The following FBXW7 variants were observed in gnomAD, a reference collection of about 807,000 sequenced individuals.
FBXW7 encodes F-box and WD repeat domain containing 7, also known as F-box/WD repeat-containing protein 7.
FBXW7 carries 11 observed loss-of-function variants against 86.3 expected under a neutral mutation model. The observed-to-expected ratio is 0.13, with a 90% CI of 0.08 to 0.21. The LOEUF (loss-of-function observed/expected upper bound fraction) is 0.21. Among genes scored for constraint, FBXW7 ranks in the 10% least tolerant of loss-of-function variants. The pLI, the probability that FBXW7 is intolerant of heterozygous loss-of-function variation, is 1.00. For synonymous variants in FBXW7, 313 were observed against 297.9 expected (o/e 1.05, Z -0.52); for missense variants, 488 against 847.4 (o/e 0.58, Z 5.27).
At chr4:152,467,461 G>A (rs1443416902) in intron 2 of FBXW7, among the ~76,000 whole-genome samples, 1 of 152,062 alleles carries the variant, frequency 6.6e-6, no homozygotes, top group African/African-American at 2.4e-5. Context: ...CGTGAGAACG[G>A]ACTAATAACA....
intron 2 of FBXW7, among the ~76,000 whole-genome samples, chr4:152,465,843 C>CAAAAAAA (rs33966110): frequency 8.5e-6 from 1 of 117,256 alleles, no homozygotes. Flanking sequence ...GACTCTTTCT[C>CAAAAAAA]AAAAAAAAAA....
intron 2 of FBXW7, among the ~76,000 whole-genome samples, chr4:152,450,973 A>C (rs1352438571): frequency 6.6e-6 from 1 of 152,204 alleles, no homozygotes; most frequent in Non-Finnish European, 1.5e-5. Flanking sequence ...TTAGAGTATA[A>C]GCAATATGAC....
chr4:152,443,591 C>T (rs1173354342), intron 2 of FBXW7, among the ~76,000 whole-genome samples: 1 of 152,100 alleles, frequency 6.6e-6, no homozygotes. Context: ...CTTTTAAGAA[C>T]CCAATTCTTT....
At chr4:152,442,603 G>A (rs565503973) in intron 2 of FBXW7, among the ~76,000 whole-genome samples, 3 of 152,318 alleles carry the variant, frequency 2.0e-5, no homozygotes, top group South Asian at 2.1e-4. Context: ...GCAGGCGATC[G>A]TTAAATGCCA....
At chr4:152,521,301 T>C (rs1748989195) in intron 2 of FBXW7, among the ~76,000 whole-genome samples, 1 of 151,866 alleles carries the variant, frequency 6.6e-6, no homozygotes, top group Non-Finnish European at 1.5e-5. Context: ...TCCTAGGAGA[T>C]CAATATTTAA....
intron 2 of FBXW7, among the ~76,000 whole-genome samples, chr4:152,524,952 A>C (rs1306584123): frequency 1.3e-5 from 2 of 152,178 alleles, no homozygotes; most frequent in Admixed American, 6.5e-5. Flanking sequence ...GCAAAAGAAA[A>C]CTTACAACCC....
At chr4:152,442,270 T>G (rs1740962793) in intron 2 of FBXW7, among the ~76,000 whole-genome samples, 1 of 152,190 alleles carries the variant, frequency 6.6e-6, no homozygotes, top group Non-Finnish European at 1.5e-5. Flanking sequence ...CAAACTTCAG[T>G]AGAATTACAG....
chr4:152,328,032 A>G (rs1729212961), intron 11 of FBXW7, among the ~76,000 whole-genome samples, 176 bp downstream of exon 11: 1 of 151,970 alleles, frequency 6.6e-6, no homozygotes, highest in Non-Finnish European at 1.5e-5. Flanking sequence ...TTTACAGACA[A>G]TCACCAATTT....
chr4:152,534,969 A>G lies in FBXW7; in HGVS notation c.-148T>C, dbSNP rs1235249009. The G allele has an allele frequency of 6.6e-6, 1 of 152,096 alleles. No homozygotes were observed. Among genetic ancestry groups the G allele is most frequent in the Non-Finnish European group, 1.5e-5 (1 of 68,028 alleles). The allele number at this position is 152,096 out of a possible 1,614,324, so 9.4% of individuals were successfully genotyped here. A position where few individuals can be genotyped will look rare whatever the true frequency, so the allele number is the denominator to read the frequency against. On this transcript the variant is annotated 5_prime_UTR_variant, in exon 2 of 14. Transcript: ENST00000281708. ...TTTAGAAAAGAGCCGCGGCGCCGAG[A>G]AAGTGGGTTGGTTCCCTTCCTCCTT...
chr4:152,474,857 G>A (rs1744255509), intron 2 of FBXW7, among the ~76,000 whole-genome samples: 1 of 152,002 alleles, frequency 6.6e-6, no homozygotes, highest in Non-Finnish European at 1.5e-5. Flanking sequence ...GTAGAGACGG[G>A]GTTTCACCAT....
At chr4:152,352,213 C>T (rs1731886381) in intron 4 of FBXW7, among the ~76,000 whole-genome samples, 1 of 152,138 alleles carries the variant, frequency 6.6e-6, no homozygotes, top group Admixed American at 6.6e-5. Context: ...AACAGAGCCA[C>T]ATTTCTAAAG....
intron 2 of FBXW7, among the ~76,000 whole-genome samples, chr4:152,452,659 G>C (rs2127021665): frequency 6.6e-6 from 1 of 152,190 alleles, no homozygotes; most frequent in East Asian, 1.9e-4. Flanking sequence ...GTTAGGAAAA[G>C]GGAAATGTGA....
At chr4:152,355,872 C>T (rs1256531108) in intron 4 of FBXW7, among the ~76,000 whole-genome samples, 1 of 152,056 alleles carries the variant, frequency 6.6e-6, no homozygotes, top group Non-Finnish European at 1.5e-5. Flanking sequence ...GAATCATTAA[C>T]CCGTGAGCTC....
chr4:152,521,509 T>C (rs1235342155), intron 2 of FBXW7, among the ~76,000 whole-genome samples: 1 of 152,230 alleles, frequency 6.6e-6, no homozygotes. Flanking sequence ...ACAAGTCACC[T>C]GAACCACAAC....
At chr4:152,453,743 T>C (rs994639266) in intron 2 of FBXW7, among the ~76,000 whole-genome samples, 7 of 152,086 alleles carry the variant, frequency 4.6e-5, no homozygotes, top group African/African-American at 1.7e-4. Context: ...AGCAAAAACG[T>C]GGTCAGTGAA....
At position 152,328,208 on chromosome 4, in the gene FBXW7, C is replaced by CTTTT; in HGVS notation, c.1414_1417dup (p.Arg473LysfsTer5). On this transcript the variant is annotated frameshift_variant and splice_region_variant, in exon 11 of 14. Coordinates refer to ENST00000281708, the MANE Select transcript of FBXW7 (RefSeq NM_001349798.2). LOFTEE classifies it high-confidence loss of function. ...CAACCATGACAAGATTTTCCCTTAC[C>CTTTT]TTTTTTCATGAAGATGCATACAACG... The CTTTT allele has an allele frequency of 6.3e-7, 1 of 1,581,536 alleles. No homozygotes were observed. The highest frequency in any genetic ancestry group is 1.8e-5 in the Admixed American group (1 of 54,558).
At chr4:152,519,871 T>C (rs1748844359) in intron 2 of FBXW7, among the ~76,000 whole-genome samples, 1 of 152,218 alleles carries the variant, frequency 6.6e-6, no homozygotes, top group African/African-American at 2.4e-5. Context: ...ATCCCAGTTC[T>C]GCAAGTCAAA....
chr4:152,374,611 G>A (rs895788686), intron 4 of FBXW7, among the ~76,000 whole-genome samples: 1 of 151,992 alleles, frequency 6.6e-6, no homozygotes, highest in African/African-American at 2.4e-5. Flanking sequence ...ATCTCTGGAA[G>A]CATAAAAAGG....
chr4:152,506,971 A>G (rs537461436), intron 2 of FBXW7, among the ~76,000 whole-genome samples: 5 of 152,288 alleles, frequency 3.3e-5, no homozygotes, highest in African/African-American at 1.2e-4. Flanking sequence ...AACATGGTCT[A>G]TCTAATACCT....
Sources: gnomAD v4.1 joint callset for allele counts (sites outside exome capture counted in the v4.1 genomes callset) on GRCh38, gnomAD v4.1.1 for gene constraint, MANE v1.5 for transcripts, NCBI Gene and HGNC (gene_info 2026-07-23, HGNC 2026-07-21) for gene names.